NOX4: variants seen among roughly 807,000 people sequenced by gnomAD.
The protein encoded by NOX4 is kidney oxidase-1.
In NOX4, 69 loss-of-function variants were observed where a neutral mutation model predicts 87.6. That is an observed-to-expected ratio of 0.79 (90% CI 0.65 to 0.96). NOX4 has a LOEUF of 0.96. Among genes scored for constraint, NOX4 ranks in the 40% least tolerant of loss-of-function variants. NOX4 has a pLI of 0.00. For synonymous variants in NOX4, 275 were observed against 238.2 expected, an observed-to-expected ratio of 1.15 and a Z score of -1.42; for missense variants, 680 against 681.5, an observed-to-expected ratio of 1.00 and a Z score of 0.02.
the NOX4 span, among the ~76,000 whole-genome samples, chr11:89,507,092 A>G: frequency 6.6e-6 from 1 of 151,986 alleles, no homozygotes; most frequent in Admixed American, 6.6e-5. Context: ...CCTAGGGAAT[A>G]AAAACTATAT....
upstream of NOX4, among the ~76,000 whole-genome samples, chr11:89,502,015 A>G (rs767377216): frequency 2.6e-4 from 40 of 152,210 alleles, no homozygotes; most frequent in Non-Finnish European, 4.4e-4. Context: ...TTGATGCCAG[A>G]GCACAAGGAG....
chr11:89,485,224 G>A (rs1241229754), intron 2 of NOX4, among the ~76,000 whole-genome samples: 1 of 152,054 alleles, frequency 6.6e-6, no homozygotes, highest in East Asian at 1.9e-4. Context: ...ATGCTCAAGA[G>A]CATAGATATT....
chr11:89,438,096 A>T lies in NOX4; in HGVS notation c.475+2592T>A, dbSNP rs1944174775. Among the ~76,000 whole-genome samples, 3 of 151,112 alleles carry T rather than the reference A, an allele frequency of 2.0e-5. No homozygotes were observed. In the Admixed American group the frequency reaches 2.0e-4, roughly 10 times the overall value. ...GAAATTTGTATTAAGTGTCTTCTCT[A>T]CTAAGTCCAACACCACTCATGGGGA... On this transcript the variant is annotated intron_variant, in intron 6 of 17. Coordinates refer to ENST00000263317, the MANE Select transcript of NOX4 (RefSeq NM_016931.5).
chr11:89,462,597 G>A (rs1344107271), intron 2 of NOX4, among the ~76,000 whole-genome samples: 1 of 151,958 alleles, frequency 6.6e-6, no homozygotes, highest in African/African-American at 2.4e-5. Context: ...TCAGATTAAT[G>A]GGAAAAGAAG....
chr11:89,486,452 C>A (rs151010661), intron 2 of NOX4, among the ~76,000 whole-genome samples: 2 of 145,354 alleles, frequency 1.4e-5, no homozygotes, highest in Non-Finnish European at 3.0e-5. Flanking sequence ...TGCCACCACG[C>A]CCAGCTAATA....
Position 89,479,884 on chromosome 11 carries a change from T to C in NOX4, c.153+10574A>G, listed in dbSNP as rs16913362. 7.5e-3 allele frequency among the ~76,000 whole-genome samples: 1,144 copies of C among 152,242 alleles called. 13 individuals carry two copies. The highest frequency in any genetic ancestry group is 0.026 in the African/African-American group (1,065 of 41,548). On this transcript the variant is annotated intron_variant, in intron 2 of 17. Transcript: ENST00000263317. ...AATTCTAGGAATCACATAGACTCAC[T>C]CACTACCTGTGTAATTTGCTCTTTC... is the stretch of plus-strand genomic sequence containing the variant.
intron 9 of NOX4, among the ~76,000 whole-genome samples, chr11:89,400,930 TATATA>T (rs1360226139): frequency 4.0e-5 from 6 of 151,728 alleles, no homozygotes; most frequent in African/African-American, 1.5e-4. Context: ...CACTTACTTT[TATATA>T]ATATAATAAG....
At chr11:89,330,990 A>C (rs1221519171) in intron 17 of NOX4, among the ~76,000 whole-genome samples, 1 of 152,018 alleles carries the variant, frequency 6.6e-6, no homozygotes, top group Non-Finnish European at 1.5e-5. Flanking sequence ...ACCTATTGGA[A>C]CTAATTGGCA....
At chr11:89,571,785 T>C in the NOX4 span, among the ~76,000 whole-genome samples, 38 of 152,106 alleles carry the variant, frequency 2.5e-4, 1 homozygote, top group South Asian at 7.9e-3. Flanking sequence ...CCTTCCATTG[T>C]ATTCCTAAAT....
the NOX4 span, among the ~76,000 whole-genome samples, chr11:89,514,369 AATTT>A: frequency 0.015 from 2,266 of 152,046 alleles, 46 homozygotes; most frequent in African/African-American, 0.047. Context: ...AAAAATTCTG[AATTT>A]ATTTAACTCT....
At chr11:89,474,877 G>A (rs190148937) in intron 2 of NOX4, among the ~76,000 whole-genome samples, 51 of 151,944 alleles carry the variant, frequency 3.4e-4, no homozygotes, top group Admixed American at 3.1e-3. Flanking sequence ...GAAATTAAAT[G>A]GGTTAATATA....
At chr11:89,521,397 T>A in the NOX4 span, among the ~76,000 whole-genome samples, 1 of 152,078 alleles carries the variant, frequency 6.6e-6, no homozygotes, top group African/African-American at 2.4e-5. Flanking sequence ...AGCCATTTGA[T>A]CTTAGACAAA....
At chr11:89,358,378 C>T (rs1191782108) in intron 12 of NOX4, among the ~76,000 whole-genome samples, 2 of 59,668 alleles carry the variant, frequency 3.4e-5, no homozygotes, top group African/African-American at 7.4e-5. Context: ...AAGAGTATAA[C>T]TTAATCTCAA....
intron 13 of NOX4, among the ~76,000 whole-genome samples, chr11:89,354,033 AG>A (rs1183176636): frequency 1.3e-5 from 2 of 152,360 alleles, no homozygotes; most frequent in East Asian, 3.9e-4. Flanking sequence ...TAATTAAGTG[AG>A]TATTATCAAA....
intron 9 of NOX4, among the ~76,000 whole-genome samples, chr11:89,401,662 G>A (rs771206342): frequency 9.9e-5 from 15 of 152,028 alleles, no homozygotes; most frequent in Admixed American, 5.3e-4. Flanking sequence ...ACTTATGGAC[G>A]TTTACCAGGA....
At chr11:89,383,639 G>C (rs1282663293) in intron 11 of NOX4, among the ~76,000 whole-genome samples, 3 of 152,090 alleles carry the variant, frequency 2.0e-5, no homozygotes, top group Non-Finnish European at 2.9e-5. Context: ...TGACAGCCAG[G>C]CTTCGAAACC....
the NOX4 span, among the ~76,000 whole-genome samples, chr11:89,540,457 C>T: frequency 6.6e-6 from 1 of 151,560 alleles, no homozygotes; most frequent in African/African-American, 2.4e-5. Flanking sequence ...ACTCTTGCTG[C>T]CCCTTTTTGT....
intron 3 of NOX4, among the ~76,000 whole-genome samples, chr11:89,450,497 T>C (rs985570762): frequency 2.6e-5 from 4 of 152,156 alleles, no homozygotes; most frequent in Non-Finnish European, 5.9e-5. Flanking sequence ...TTTTTGTTGA[T>C]TAGCAGAATG....
chr11:89,562,208 A>G, the NOX4 span, among the ~76,000 whole-genome samples: 2 of 152,186 alleles, frequency 1.3e-5, no homozygotes, highest in Admixed American at 1.3e-4. Context: ...ATCTAATGAA[A>G]ATCATATCAA....
Sources: gnomAD v4.1 joint callset for allele counts (sites outside exome capture counted in the v4.1 genomes callset) on GRCh38, gnomAD v4.1.1 for gene constraint, MANE v1.5 for transcripts, NCBI Gene and HGNC (gene_info 2026-07-23, HGNC 2026-07-21) for gene names.